MESD: variants seen among roughly 807,000 people sequenced by gnomAD.
MESD encodes LRP chaperone MESD.
In MESD, 7 loss-of-function variants were observed where a neutral mutation model predicts 12.9. The observed-to-expected ratio is 0.54, with a 90% CI of 0.31 to 1.02. MESD has a LOEUF of 1.02. Ranked by LOEUF, MESD falls within the 50% of genes least tolerant of loss-of-function variation. The pLI, the probability that MESD is intolerant of heterozygous loss-of-function variation, is 0.05. For missense variants in MESD, 342 were observed against 296.7 expected (o/e 1.15, Z -1.12); for synonymous variants, 126 against 115.6 (o/e 1.09, Z -0.58).
chr15:80,968,385 A>G (rs1902217182), intron 3 of MESD, among the ~76,000 whole-genome samples: 1 of 152,210 alleles, frequency 6.6e-6, no homozygotes. Context: ...CTCCAGAAGA[A>G]AACAGCCCAG....
exon 4 of MESD, chr15:80,952,296 T>A (rs1204493096): frequency 2.2e-6 from 1 of 451,418 alleles, no homozygotes; most frequent in Non-Finnish European, 4.5e-6. Flanking sequence ...GGCTCAGGGG[T>A]CTGGAAGGGA....
chr15:80,952,233 TGGCAGACGAGA>T, exon 4 of MESD: 1 of 456,110 alleles, frequency 2.2e-6, no homozygotes. Flanking sequence ...CAAATCAAAC[TGGCAGACGAGA>T]GGCAGGCACA....
downstream of MESD, among the ~76,000 whole-genome samples, chr15:80,971,196 G>A (rs893195368): frequency 1.3e-5 from 2 of 152,198 alleles, no homozygotes; most frequent in African/African-American, 4.8e-5. Flanking sequence ...TTTGCCTGCT[G>A]TAAATGGCTT....
At chr15:80,955,682 G>C (rs1248984531) in intron 3 of MESD, among the ~76,000 whole-genome samples, 1 of 149,982 alleles carries the variant, frequency 6.7e-6, no homozygotes, top group Non-Finnish European at 1.5e-5. Flanking sequence ...GTGAAGTGAT[G>C]CAATCTCGGC....
chr15:80,984,747 G>A (rs28441296), intron 1 of MESD, among the ~76,000 whole-genome samples: 9,501 of 152,110 alleles, frequency 0.062, 367 homozygotes, highest in Middle Eastern at 0.18. Context: ...TATGGCATGT[G>A]AATTGAATCT....
intron 1 of MESD, among the ~76,000 whole-genome samples, chr15:80,987,785 A>G (rs937142027): frequency 2.8e-5 from 4 of 145,148 alleles, no homozygotes; most frequent in Non-Finnish European, 6.1e-5. Flanking sequence ...CACTGCGCCC[A>G]GCCAACCTGT....
At chr15:80,983,721 G>C (rs1049738260) in intron 1 of MESD, among the ~76,000 whole-genome samples, 1 of 152,052 alleles carries the variant, frequency 6.6e-6, no homozygotes, top group Non-Finnish European at 1.5e-5. Context: ...AAAGAATCGT[G>C]AACATGTCAA....
chr15:80,983,797 A>G (rs1430692535), intron 1 of MESD, among the ~76,000 whole-genome samples: 1 of 152,172 alleles, frequency 6.6e-6, no homozygotes, highest in Non-Finnish European at 1.5e-5. Flanking sequence ...CAACATCAAA[A>G]TAAATAATAG....
chr15:80,973,745 T>C (rs534911810), downstream of MESD, among the ~76,000 whole-genome samples: 12 of 151,922 alleles, frequency 7.9e-5, no homozygotes, highest in South Asian at 2.5e-3. Context: ...GCTCATCTTT[T>C]ATTCATCATG....
At chr15:80,954,603 T>C (rs1901926817) in intron 3 of MESD, among the ~76,000 whole-genome samples, 1 of 151,912 alleles carries the variant, frequency 6.6e-6, no homozygotes, top group Admixed American at 6.6e-5. Flanking sequence ...ACAGAGGTAA[T>C]GGTGAGGGTT....
rs966561828 is a variant in MESD at position 80,977,139 on chromosome 15, C to G, written c.*2080G>C. 6.5e-6 allele frequency: 1 copy of G among 154,106 alleles called. No individual in the cohort carries two copies. The highest frequency in any genetic ancestry group is 2.4e-5 in the African/African-American group (1 of 41,506). The allele number at this position is 154,106 out of a possible 1,614,324, so 9.5% of individuals were successfully genotyped here. On this transcript the variant is annotated 3_prime_UTR_variant, in exon 3 of 3. Transcript: ENST00000261758. Reference sequence around the variant, plus strand: ...CCTGCTGCCTCTCCCTCTGCCACTTCTAGCCACAGGGTCTTAGCTCAGACT... The same window carrying G: ...CCTGCTGCCTCTCCCTCTGCCACTTGTAGCCACAGGGTCTTAGCTCAGACT...
rs1388234847 is a variant in MESD at position 80,979,225 on chromosome 15, G to A, written c.699C>T (p.Asp233=). Reference sequence around the variant, plus strand: ...GCGCGTCACTGCTGCCCCATCACAGGTCTTCTCTTTTATTCCCAGCTCGAT... The same window carrying A: ...GCGCGTCACTGCTGCCCCATCACAGATCTTCTCTTTTATTCCCAGCTCGAT... ...EENRAGNKRE[D]L The change falls in exon 3 of 3, where the codon GAC becomes GAT. Residue 233 remains aspartate, a synonymous_variant. Coordinates refer to ENST00000261758, the MANE Select transcript of MESD (RefSeq NM_015154.3). 1 of 1,613,254 alleles carries A rather than the reference G, an allele frequency of 6.2e-7. No individual in the cohort carries two copies. Among genetic ancestry groups the A allele is most frequent in the African/African-American group, 1.3e-5 (1 of 74,850 alleles).
At chr15:80,948,756 T>C in exon 5 of MESD, 3 of 1,613,686 alleles carry the variant, frequency 1.9e-6, no homozygotes, top group Non-Finnish European at 8.5e-7. Context: ...AGCCGTCCTC[T>C]CATAGGGCTT....
Position 80,989,756 on chromosome 15 carries a change from G to A in MESD, c.36C>T (p.Val12=), listed in dbSNP as rs1353328070. The change falls in exon 1 of 3, where the codon GTC becomes GTT. Residue 12 remains valine, a synonymous_variant. Transcript: ENST00000261758. ...AASRWARKAV[V]LLCASDLLLL... is the part of the protein sequence containing the mutation. ...GCAGCAGGTCAGAGGCACAAAGCAG[G>A]ACCACGGCCTTGCGCGCCCACCTGG... The A allele has an allele frequency of 6.2e-7, 1 of 1,600,194 alleles. No homozygotes were observed. The highest frequency in any genetic ancestry group is 8.5e-7 in the Non-Finnish European group (1 of 1,178,864).
intron 3 of MESD, among the ~76,000 whole-genome samples, chr15:80,965,349 TTGG>T (rs1567120949): frequency 1.3e-5 from 2 of 152,200 alleles, no homozygotes; most frequent in African/African-American, 4.8e-5. Flanking sequence ...TTTTACACTG[TTGG>T]TGGGAGTGTA....
downstream of MESD, among the ~76,000 whole-genome samples, chr15:80,972,389 A>C (rs1233123448): frequency 6.6e-6 from 1 of 152,220 alleles, no homozygotes; most frequent in Admixed American, 6.5e-5. Context: ...TGGCTGAGAG[A>C]GGATCTGATT....
chr15:80,968,126 T>G lies in MESD; in HGVS notation c.*288+10805A>C, dbSNP rs187671794. Among the ~76,000 whole-genome samples the G allele has an allele frequency of 3.9e-3, 597 of 152,392 alleles. 2 individuals carry two copies. The highest frequency in any genetic ancestry group is 5.4e-3 in the Non-Finnish European group (367 of 68,040). On this transcript the variant is annotated intron_variant, in intron 3 of 4. Transcript: ENST00000561312. ...CAGACCGCTTGGACTCTGGCAGCTCTGCCCCTTTCAGGGCAAACCATCTCA... is the reference window on the plus strand; with the variant it reads ...CAGACCGCTTGGACTCTGGCAGCTCGGCCCCTTTCAGGGCAAACCATCTCA...
At chr15:80,980,004 G>A (rs1902531978) in intron 2 of MESD, among the ~76,000 whole-genome samples, 1 of 152,228 alleles carries the variant, frequency 6.6e-6, no homozygotes. Context: ...GCAGCAAGCT[G>A]CCCAGCTCGT....
intron 3 of MESD, among the ~76,000 whole-genome samples, chr15:80,966,801 G>A (rs1902182832): frequency 2.0e-5 from 3 of 152,200 alleles, no homozygotes; most frequent in Admixed American, 6.5e-5. Context: ...ATACCCTGCT[G>A]CCTCTCTGCT....
Sources: gnomAD v4.1 joint callset for allele counts (sites outside exome capture counted in the v4.1 genomes callset) on GRCh38, gnomAD v4.1.1 for gene constraint, MANE v1.5 for transcripts, NCBI Gene and HGNC (gene_info 2026-07-23, HGNC 2026-07-21) for gene names.